DSCAM: variants seen among roughly 807,000 people sequenced by gnomAD.
DSCAM encodes cell adhesion molecule DSCAM.
Under a neutral mutation model 217.7 loss-of-function variants are expected in DSCAM, and 47 were observed. That is an observed-to-expected ratio of 0.22 (90% CI 0.17 to 0.28). The LOEUF (loss-of-function observed/expected upper bound fraction) is 0.28, where lower values mean the gene tolerates loss of function less well. Ranked by LOEUF, DSCAM falls within the 10% of genes least tolerant of loss-of-function variation. DSCAM has a pLI of 1.00. For synonymous variants in DSCAM, 1,056 were observed against 1,015.3 expected (o/e 1.04, Z -0.76); for missense variants, 2,080 against 2,618.3 (o/e 0.79, Z 4.49).
chr21:40,226,652 G>C (rs546300690), intron 11 of DSCAM, among the ~76,000 whole-genome samples: 4 of 152,244 alleles, frequency 2.6e-5, no homozygotes, highest in African/African-American at 9.6e-5. Flanking sequence ...CTAATGTTTA[G>C]AGACCTCTTT....
chr21:40,604,044 T>C (rs1344775656), intron 3 of DSCAM, among the ~76,000 whole-genome samples: 1 of 152,042 alleles, frequency 6.6e-6, no homozygotes, highest in African/African-American at 2.4e-5. Flanking sequence ...TTTTCTCCTT[T>C]TTCTGGGATT....
intron 32 of DSCAM, among the ~76,000 whole-genome samples, chr21:40,038,090 T>C (rs931735698): frequency 4.6e-5 from 7 of 151,796 alleles, no homozygotes; most frequent in Non-Finnish European, 8.8e-5. Flanking sequence ...GCATTACCAT[T>C]CAGGACATAA....
chr21:40,339,184 A>T lies in DSCAM; in HGVS notation c.1442T>A (p.Val481Asp). ...ISSSQVRDGG[V>D]YRCTANNSAG... ...CGAGTTGTTGGCAGTGCAGCGGTAG[A>T]CTCCCCCGTCCCGGACCTGGGAGCT... The change falls in exon 7 of 33, where the codon GTC becomes GAC. Residue 481 changes from valine (V) to aspartate (D), a missense_variant. By Grantham distance (152) the Val-to-Asp change is radical. Transcript: ENST00000400454. 1 of 1,613,782 alleles carries T rather than the reference A, an allele frequency of 6.2e-7. No homozygotes were observed. Among genetic ancestry groups the T allele is most frequent in the Non-Finnish European group, 8.5e-7 (1 of 1,179,966 alleles).
chr21:40,449,437 T>C (rs2075701639), intron 3 of DSCAM, among the ~76,000 whole-genome samples: 1 of 152,198 alleles, frequency 6.6e-6, no homozygotes, highest in Admixed American at 6.5e-5. Flanking sequence ...CACTAATCCG[T>C]ATCCTTGTAT....
chr21:40,141,396 C>G (rs1316406119), intron 18 of DSCAM, among the ~76,000 whole-genome samples: 2 of 152,190 alleles, frequency 1.3e-5, no homozygotes, highest in Non-Finnish European at 2.9e-5. Context: ...GGGCAGATCA[C>G]TTGAGGCCAG....
Position 40,189,169 on chromosome 21 carries a change from C to A in DSCAM, c.2426G>T (p.Cys809Phe), listed in dbSNP as rs1392542707. The A allele has an allele frequency of 1.2e-6, 2 of 1,613,782 alleles. No individual in the cohort carries two copies. The highest frequency in any genetic ancestry group is 3.3e-5 in the Admixed American group (2 of 59,940). The change falls in exon 12 of 33, where the codon TGC becomes TTC. Residue 809 changes from cysteine to phenylalanine, a missense_variant. Physicochemically the swap from Cys to Phe is radical, Grantham distance 205. This residue lies in a region of DSCAM where 1,144 missense variants were observed against 1,421.1 expected (regional missense o/e 0.81). Coordinates refer to ENST00000400454, the MANE Select transcript of DSCAM (RefSeq NM_001389.5). Reference protein sequence around the residue: ...ATQGQKKEMSCTAHGEKPIIV... With the variant: ...ATQGQKKEMSFTAHGEKPIIV... The stretch of plus-strand genomic sequence containing the variant: ...AATGGGCTTCTCACCATGCGCCGTG[C>A]AGCTCATCTCCTTTTTCTGCCCCTG...
intron 9 of DSCAM, among the ~76,000 whole-genome samples, chr21:40,297,329 C>G (rs1200249833): frequency 2.0e-5 from 3 of 152,196 alleles, no homozygotes; most frequent in East Asian, 1.9e-4. Flanking sequence ...GAAAAGGTAG[C>G]ATCTGAAAGT....
intron 11 of DSCAM, among the ~76,000 whole-genome samples, chr21:40,248,801 A>T (rs2073262626): frequency 6.6e-6 from 1 of 152,192 alleles, no homozygotes; most frequent in Non-Finnish European, 1.5e-5. Flanking sequence ...CACACTGCTG[A>T]TGAAGACATA....
intron 3 of DSCAM, among the ~76,000 whole-genome samples, chr21:40,581,780 T>C (rs1227966423): frequency 2.0e-5 from 3 of 152,212 alleles, no homozygotes. Flanking sequence ...TGGTAATTCA[T>C]GGCTACGAGT....
In DSCAM at chr21:40,011,468, CT is replaced by C. The variant is rs928797746; in HGVS notation, c.*1565del. ...TGGAAGCCTGTAGAGAATCTTCAGCCTGGGAGACTGAGCAGCTGTGGATATT... is the reference window on the plus strand; with the variant it reads ...TGGAAGCCTGTAGAGAATCTTCAGCCGGGAGACTGAGCAGCTGTGGATATT... On this transcript the variant is annotated 3_prime_UTR_variant, in exon 33 of 33. Coordinates refer to ENST00000400454, the MANE Select transcript of DSCAM (RefSeq NM_001389.5). 6.6e-6 allele frequency: 1 copy of C among 152,202 alleles called. No individual in the cohort carries two copies. Among genetic ancestry groups the C allele is most frequent in the African/African-American group, 2.4e-5 (1 of 41,446 alleles). 9.4% of individuals were successfully genotyped at this position (152,202 alleles called of 1,614,324 possible). A position where few individuals can be genotyped will look rare whatever the true frequency, so the allele number is the denominator to read the frequency against.
chr21:40,829,416 G>C (rs1401587338), intron 1 of DSCAM, among the ~76,000 whole-genome samples: 2 of 152,184 alleles, frequency 1.3e-5, no homozygotes, highest in South Asian at 4.1e-4. Context: ...CGAGGTTTGT[G>C]GTCATGCATA....
intron 3 of DSCAM, among the ~76,000 whole-genome samples, chr21:40,649,740 A>G (rs2089991344): frequency 6.6e-6 from 1 of 152,190 alleles, no homozygotes; most frequent in South Asian, 2.1e-4. Flanking sequence ...TGTGCAGGAA[A>G]GGTTCAGTTG....
chr21:40,085,465 T>G (rs532327139), intron 23 of DSCAM, 137 bp downstream of exon 23: 5 of 732,780 alleles, frequency 6.8e-6, no homozygotes, highest in Non-Finnish European at 5.8e-6. Context: ...AATGAACATG[T>G]GTTTTCTTTT....
At chr21:40,392,042 T>C (rs1027897769) in intron 3 of DSCAM, among the ~76,000 whole-genome samples, 1 of 152,216 alleles carries the variant, frequency 6.6e-6, no homozygotes, top group African/African-American at 2.4e-5. Context: ...GTAGTTGCCT[T>C]GACCAGTCTT....
At chr21:40,711,676 A>C (rs1486937166) in intron 1 of DSCAM, among the ~76,000 whole-genome samples, 1 of 152,168 alleles carries the variant, frequency 6.6e-6, no homozygotes, top group African/African-American at 2.4e-5. Flanking sequence ...GTTACAGGGA[A>C]CTGCCTTGTC....
chr21:40,805,866 G>C (rs1255005722), intron 1 of DSCAM, among the ~76,000 whole-genome samples: 3 of 151,550 alleles, frequency 2.0e-5, no homozygotes, highest in Non-Finnish European at 4.4e-5. Flanking sequence ...CTGCCACCAC[G>C]CCTAGCTAAT....
At chr21:40,155,298 C>T (rs1414797557) in intron 16 of DSCAM, among the ~76,000 whole-genome samples, 1 of 152,196 alleles carries the variant, frequency 6.6e-6, no homozygotes, top group Non-Finnish European at 1.5e-5. Flanking sequence ...AGCTCCCGCG[C>T]CCAACAATGG....
intron 3 of DSCAM, among the ~76,000 whole-genome samples, chr21:40,429,708 A>G (rs1351690517): frequency 1.3e-5 from 2 of 152,242 alleles, no homozygotes; most frequent in African/African-American, 4.8e-5. Context: ...AAATGAGTTA[A>G]TACAAACAAA....
At chr21:40,091,288 C>T (rs573627824) in intron 21 of DSCAM, among the ~76,000 whole-genome samples, 23 of 152,250 alleles carry the variant, frequency 1.5e-4, no homozygotes, top group South Asian at 2.1e-4. Flanking sequence ...ATTTCTCTTG[C>T]GGCAAAATCT....
Sources: allele counts gnomAD v4.1 joint callset (sites outside exome capture counted in the v4.1 genomes callset), GRCh38; gene constraint gnomAD v4.1.1; regional missense constraint gnomAD v4.1.1; transcripts MANE v1.5; gene names NCBI Gene and HGNC (gene_info 2026-07-23, HGNC 2026-07-21).